AGBL4: variants seen among roughly 807,000 people sequenced by gnomAD.
AGBL4 encodes AGBL carboxypeptidase 4.
A neutral mutation model predicts 66.4 loss-of-function variants in AGBL4; 58 were observed. That is an observed-to-expected ratio of 0.87 (90% confidence interval 0.71 to 1.09). The LOEUF is 1.09. AGBL4 is among the 50% of genes least tolerant of loss of function. The probability of loss-of-function intolerance (pLI) is 0.00; values close to 1 mark genes in which losing one functional copy is unlikely to be tolerated. For synonymous variants in AGBL4, 234 were observed against 222.9 expected (o/e 1.05, Z -0.44); for missense variants, 579 against 631.0 (o/e 0.92, Z 0.88).
At chr1:49,736,877 G>A (rs1649936632) in intron 2 of AGBL4, among the ~76,000 whole-genome samples, 1 of 151,608 alleles carries the variant, frequency 6.6e-6, no homozygotes, top group East Asian at 1.9e-4. Context: ...GTTCTCAAGA[G>A]AACACATAAA....
intron 5 of AGBL4, among the ~76,000 whole-genome samples, chr1:49,013,373 C>G (rs1487352600): frequency 6.6e-6 from 1 of 152,114 alleles, no homozygotes; most frequent in Non-Finnish European, 1.5e-5. Context: ...TCCAGGAATT[C>G]TAATGGGAAG....
intron 4 of AGBL4, among the ~76,000 whole-genome samples, chr1:49,051,698 C>A (rs1557598785): frequency 6.6e-6 from 1 of 152,150 alleles, no homozygotes; most frequent in Non-Finnish European, 1.5e-5. Flanking sequence ...TTTCTAAATG[C>A]ACCCTCCCTA....
At chr1:49,899,184 T>C (rs1649520312) in intron 1 of AGBL4, among the ~76,000 whole-genome samples, 1 of 152,104 alleles carries the variant, frequency 6.6e-6, no homozygotes, top group African/African-American at 2.4e-5. Flanking sequence ...TACCCAATTT[T>C]CCATGATATG....
intron 1 of AGBL4, among the ~76,000 whole-genome samples, chr1:49,967,625 C>T (rs910932996): frequency 5.9e-5 from 9 of 151,704 alleles, no homozygotes; most frequent in African/African-American, 9.7e-5. Flanking sequence ...AACAAAACTG[C>T]AGAACTTAAA....
rs150082857 is a variant in AGBL4, at chr1:48,813,085, A to C, written c.634+54106T>G. Among the ~76,000 whole-genome samples, 721 of 152,120 alleles carry C rather than the reference A, an allele frequency of 4.7e-3. 3 individuals carry two copies. Among genetic ancestry groups the C allele is most frequent in the African/African-American group, 0.017 (688 of 41,478 alleles). On this transcript the variant is annotated intron_variant, in intron 6 of 13. Coordinates refer to ENST00000371839, the MANE Select transcript of AGBL4 (RefSeq NM_032785.4). ...TGTAACAAACCTGCAAGTTGTGCAC[A>C]TGTACCCTAAAACTTAAAGTATAAT... is the stretch of plus-strand genomic sequence containing the variant.
chr1:48,999,768 T>C (rs1197334705), intron 5 of AGBL4, among the ~76,000 whole-genome samples: 1 of 152,080 alleles, frequency 6.6e-6, no homozygotes, highest in Non-Finnish European at 1.5e-5. Flanking sequence ...TAAGACTGTC[T>C]ATGCTTTAAA....
chr1:48,637,134 G>GT (rs1645679520), intron 8 of AGBL4, among the ~76,000 whole-genome samples: 1 of 152,146 alleles, frequency 6.6e-6, no homozygotes, highest in Non-Finnish European at 1.5e-5. Flanking sequence ...TAATGCATAG[G>GT]TTTTGGTACA....
chr1:49,597,640 T>A (rs763128389), intron 3 of AGBL4, among the ~76,000 whole-genome samples: 3 of 152,226 alleles, frequency 2.0e-5, no homozygotes, highest in Non-Finnish European at 4.4e-5. Flanking sequence ...AATTGGCATG[T>A]TGCCAGCAGC....
intron 1 of AGBL4, among the ~76,000 whole-genome samples, chr1:49,972,592 A>T (rs1161130910): frequency 1.3e-5 from 2 of 152,198 alleles, no homozygotes; most frequent in Non-Finnish European, 2.9e-5. Flanking sequence ...GAGCACACAG[A>T]CATTTTATCA....
At chr1:49,553,170 T>C (rs1043401770) in intron 3 of AGBL4, among the ~76,000 whole-genome samples, 2 of 152,244 alleles carry the variant, frequency 1.3e-5, no homozygotes, top group African/African-American at 4.8e-5. Context: ...CAGGCAGGCC[T>C]GAGCCTGAGT....
At chr1:50,013,874 T>C (rs1661734370) in intron 1 of AGBL4, among the ~76,000 whole-genome samples, 1 of 152,212 alleles carries the variant, frequency 6.6e-6, no homozygotes, top group Admixed American at 6.5e-5. Flanking sequence ...GAAGACAGTT[T>C]CTCCTATACT....
chr1:49,460,207 C>T (rs892540270), intron 3 of AGBL4, among the ~76,000 whole-genome samples: 3 of 151,572 alleles, frequency 2.0e-5, no homozygotes, highest in East Asian at 1.9e-4. Flanking sequence ...CCCACTATTA[C>T]GGTGTTGCTA....
intron 11 of AGBL4, among the ~76,000 whole-genome samples, chr1:48,556,710 C>T (rs1644326588): frequency 1.3e-5 from 2 of 152,240 alleles, no homozygotes; most frequent in South Asian, 2.1e-4. Context: ...AGCCTCCTGG[C>T]ACTCCTTCAC....
At chr1:48,742,569 T>G in intron 6 of AGBL4, 7 of 1,438,304 alleles carry the variant, frequency 4.9e-6, no homozygotes, top group Non-Finnish European at 5.5e-6. Context: ...CTCTCCACCT[T>G]TACTCTGACT....
At chr1:48,603,371 G>A (rs1355630644) in intron 9 of AGBL4, among the ~76,000 whole-genome samples, 6 of 152,180 alleles carry the variant, frequency 3.9e-5, no homozygotes, top group Non-Finnish European at 8.8e-5. Flanking sequence ...TGGGAAGGCT[G>A]AGGCAGGAGA....
At chr1:48,622,475 A>ATTTT (rs35455455) in intron 9 of AGBL4, among the ~76,000 whole-genome samples, 17 of 71,850 alleles carry the variant, frequency 2.4e-4, no homozygotes, top group Admixed American at 3.7e-4. Flanking sequence ...ATTCAAATAC[A>ATTTT]TTTTTTTTTT....
At chr1:49,049,280 A>G (rs891317999) in intron 4 of AGBL4, among the ~76,000 whole-genome samples, 3 of 152,272 alleles carry the variant, frequency 2.0e-5, no homozygotes, top group African/African-American at 7.2e-5. Context: ...TCAATTGTCA[A>G]CAAAGGTTTA....
chr1:49,215,851 A>G (rs534195408), intron 4 of AGBL4, among the ~76,000 whole-genome samples: 5 of 151,936 alleles, frequency 3.3e-5, no homozygotes, highest in Admixed American at 2.6e-4. Context: ...TCCTCCTCCC[A>G]TTCCAGAAGT....
At chr1:49,100,721 T>C (rs1557641079) in intron 4 of AGBL4, among the ~76,000 whole-genome samples, 1 of 152,114 alleles carries the variant, frequency 6.6e-6, no homozygotes, top group Non-Finnish European at 1.5e-5. Flanking sequence ...TCAACTAACA[T>C]AGCAGAAACA....
Sources: allele counts gnomAD v4.1 joint callset (sites outside exome capture counted in the v4.1 genomes callset), GRCh38; gene constraint gnomAD v4.1.1; transcripts MANE v1.5; gene names NCBI Gene and HGNC (gene_info 2026-07-23, HGNC 2026-07-21).